TXLNG: variants seen among roughly 807,000 people sequenced by gnomAD.
TXLNG encodes gamma-taxilin.
TXLNG carries 5 observed loss-of-function variants against 38.8 expected under a neutral mutation model. The ratio of observed to expected loss-of-function variants is 0.13; its 90% CI spans 0.07 to 0.27. The LOEUF (loss-of-function observed/expected upper bound fraction) is 0.27. TXLNG is among the 10% of genes least tolerant of loss of function. The probability of loss-of-function intolerance (pLI) is 1.00; values close to 1 mark genes in which losing one functional copy is unlikely to be tolerated. For synonymous variants in TXLNG, 182 were observed against 158.2 expected (o/e 1.15, Z -1.13); for missense variants, 393 against 398.2 (o/e 0.99, Z 0.11).
intron 1 of TXLNG, among the ~76,000 whole-genome samples, chrX:16,815,833 T>A (rs961214331): frequency 1.8e-5 from 2 of 110,295 alleles, no homozygotes; most frequent in African/African-American, 6.6e-5. Flanking sequence ...CCGAAATTTT[T>A]TTTTTTTAAT....
At chrX:16,818,073 C>T (rs764157332) in intron 1 of TXLNG, among the ~76,000 whole-genome samples, 26 of 111,161 alleles carry the variant, frequency 2.3e-4, no homozygotes, top group Non-Finnish European at 4.0e-4. Flanking sequence ...GGGAACTTCA[C>T]GTGGAAGTCG....
intron 3 of TXLNG, among the ~76,000 whole-genome samples, chrX:16,824,690 A>G (rs1449170272): frequency 9.1e-6 from 1 of 109,669 alleles, no homozygotes; most frequent in African/African-American, 3.3e-5. Flanking sequence ...AGCCTGAGGC[A>G]GGCGGATCAC....
At position 16,834,218 on chromosome X, in the gene TXLNG, C is replaced by A. The variant is rs749298012; in HGVS notation, c.985-65C>A. On this transcript the variant is annotated intron_variant, in intron 6 of 9. Coordinates refer to ENST00000380122, the MANE Select transcript of TXLNG (RefSeq NM_018360.3). ...TAGAAGGATGAAGCCTAACTCTGAT[C>A]ATTTGATATTTAGTCCTGCTTGTAA... The A allele has an allele frequency of 2.1e-4, 201 of 935,647 alleles. No homozygotes were observed. The East Asian group carries it at 6.1e-3, about 28-fold the overall frequency. 77.1% of individuals were successfully genotyped at this position (935,647 alleles called of 1,213,427 possible). A position where few individuals can be genotyped will look rare whatever the true frequency, so the allele number is the denominator to read the frequency against.
chrX:16,795,348 C>T (rs1927847214), intron 1 of TXLNG, among the ~76,000 whole-genome samples: 1 of 112,145 alleles, frequency 8.9e-6, no homozygotes, highest in African/African-American at 3.2e-5. Context: ...AAATTTAATG[C>T]AGTCATTAAC....
At chrX:16,826,924 T>TC (rs1424291112) in intron 3 of TXLNG, among the ~76,000 whole-genome samples, 1 of 105,479 alleles carries the variant, frequency 9.5e-6, no homozygotes, top group Non-Finnish European at 1.9e-5. Flanking sequence ...AGAGTGAAAC[T>TC]CCATCTCAAA....
chrX:16,837,556 A>G lies in TXLNG; in HGVS notation c.1060-37A>G, dbSNP rs188471732. The G allele has an allele frequency of 4.8e-6, 5 of 1,047,291 alleles. No homozygotes were observed. The Admixed American group carries it at 1.0e-4, about 22-fold the overall frequency. 86.3% of individuals were successfully genotyped at this position (1,047,291 alleles called of 1,213,427 possible). Reference sequence around the variant, plus strand: ...AAGTTTGGGAACTGGAATTGTTTGCATGGAACTCAGAATGTTTCATACTTT... The same window carrying G: ...AAGTTTGGGAACTGGAATTGTTTGCGTGGAACTCAGAATGTTTCATACTTT... On this transcript the variant is annotated intron_variant, in intron 7 of 9. Coordinates refer to ENST00000380122, the MANE Select transcript of TXLNG (RefSeq NM_018360.3).
chrX:16,836,530 T>A (rs1046188819), intron 7 of TXLNG, among the ~76,000 whole-genome samples: 1 of 112,367 alleles, frequency 8.9e-6, no homozygotes, highest in African/African-American at 3.2e-5. Flanking sequence ...CACTGTGAGA[T>A]GACTAACTTT....
At chrX:16,819,864 C>T (rs768947077) in intron 2 of TXLNG, among the ~76,000 whole-genome samples, 36 of 111,639 alleles carry the variant, frequency 3.2e-4, no homozygotes, top group Non-Finnish European at 5.6e-4. Flanking sequence ...TTTGTCTTAA[C>T]TTGGACATCA....
chrX:16,841,359 G>T (rs776250568), intron 9 of TXLNG, 69 bp from the exon 10 acceptor site: 2 of 1,008,662 alleles, frequency 2.0e-6, no homozygotes, highest in South Asian at 2.3e-5. Flanking sequence ...ATATGGCTGA[G>T]CTGGCTTAAT....
chrX:16,817,928 G>A (rs1244464692), intron 1 of TXLNG, among the ~76,000 whole-genome samples: 1 of 112,232 alleles, frequency 8.9e-6, no homozygotes, highest in Non-Finnish European at 1.9e-5. Flanking sequence ...CATTAATCCT[G>A]TGGCTCTGCC....
At chrX:16,804,944 A>G (rs1453066836) in intron 1 of TXLNG, among the ~76,000 whole-genome samples, 1 of 82,318 alleles carries the variant, frequency 1.2e-5, no homozygotes. Context: ...TATTTAGCAA[A>G]CTAATCTCCA....
chrX:16,817,902 A>G (rs947511662), intron 1 of TXLNG, among the ~76,000 whole-genome samples: 2 of 112,279 alleles, frequency 1.8e-5, no homozygotes, highest in African/African-American at 6.5e-5. Flanking sequence ...TACATAGGAT[A>G]TGGAGGCCTA....
intron 1 of TXLNG, among the ~76,000 whole-genome samples, chrX:16,802,170 T>G (rs1281437465): frequency 8.4e-5 from 9 of 106,596 alleles, no homozygotes. Flanking sequence ...TTGGTCAGAC[T>G]GGTCTTGAAC....
chrX:16,825,009 A>C (rs1447920513), intron 3 of TXLNG, among the ~76,000 whole-genome samples: 1 of 111,762 alleles, frequency 8.9e-6, no homozygotes, highest in African/African-American at 3.3e-5. Flanking sequence ...ATTTAGTATC[A>C]AGAATATCTA....
At chrX:16,791,878 G>A (rs1052917482) in intron 1 of TXLNG, among the ~76,000 whole-genome samples, 1 of 112,339 alleles carries the variant, frequency 8.9e-6, no homozygotes, top group African/African-American at 3.2e-5. Flanking sequence ...GAGCCACCGC[G>A]CCCTGCCTGG....
At chrX:16,828,363 G>A in intron 4 of TXLNG, 99 bp downstream of exon 4, 1 of 848,617 alleles carries the variant, frequency 1.2e-6, no homozygotes, top group Non-Finnish European at 1.6e-6. Flanking sequence ...TCTACTTGGA[G>A]ACAGATACTG....
At chrX:16,836,684 A>G (rs1433277576) in intron 7 of TXLNG, among the ~76,000 whole-genome samples, 1 of 112,274 alleles carries the variant, frequency 8.9e-6, no homozygotes, top group Non-Finnish European at 1.9e-5. Context: ...GTGCTGGTGA[A>G]TATTCTGCAT....
rs1188978460 is a variant in TXLNG at position 16,818,607 on chromosome X, T to G, written c.136T>G (p.Cys46Gly). The change falls in exon 2 of 10, where the codon TGT (cysteine) becomes GGT (glycine). Residue 46 changes from cysteine to glycine, a missense_variant. Cys to Gly is a radical substitution (Grantham distance 159, BLOSUM62 -3). Transcript: ENST00000380122. ...EIGTMEEAGI[C>G]GLGVKADMLC... ...TGGCACAATGGAAGAAGCTGGAATT[T>G]GTGGGCTAGGGGTGAAAGCAGATAT... The G allele has an allele frequency of 8.3e-7, 1 of 1,209,562 alleles. No individual in the cohort carries two copies. The highest frequency in any genetic ancestry group is 3.0e-5 in the East Asian group (1 of 33,843).
chrX:16,813,824 C>T (rs1027161601), intron 1 of TXLNG, among the ~76,000 whole-genome samples: 4 of 110,790 alleles, frequency 3.6e-5, no homozygotes, highest in Non-Finnish European at 5.7e-5. Flanking sequence ...CCGTGGCTCA[C>T]GCCTGTAATC....
Sources: allele counts gnomAD v4.1 joint callset (sites outside exome capture counted in the v4.1 genomes callset), GRCh38; gene constraint gnomAD v4.1.1; transcripts MANE v1.5; gene names NCBI Gene and HGNC (gene_info 2026-07-23, HGNC 2026-07-21).